LRRK1: variants seen among roughly 807,000 people sequenced by gnomAD.
LRRK1 encodes the protein leucine-rich repeat serine/threonine-protein kinase 1.
A neutral mutation model predicts 209.1 loss-of-function variants in LRRK1; 113 were observed. The ratio of observed to expected loss-of-function variants is 0.54; its 90% CI spans 0.46 to 0.63. LRRK1 has a LOEUF of 0.63. Among genes scored for constraint, LRRK1 ranks in the 30% least tolerant of loss-of-function variants. The pLI, the probability that LRRK1 is intolerant of heterozygous loss-of-function variation, is 0.00. For missense variants in LRRK1, 2,284 were observed against 2,632.2 expected (o/e 0.87, Z 2.89); for synonymous variants, 1,144 against 1,099.7 (o/e 1.04, Z -0.80).
intron 2 of LRRK1, among the ~76,000 whole-genome samples, chr15:100,973,303 G>A (rs2031056433): frequency 6.6e-6 from 1 of 152,250 alleles, no homozygotes; most frequent in Non-Finnish European, 1.5e-5. Flanking sequence ...TCGTGCCAGG[G>A]CAGGTCTGGA....
Position 101,051,617 on chromosome 15 carries a change from C to T in LRRK1, c.3440-94C>T, listed in dbSNP as rs927963402. 3.7e-5 allele frequency: 55 copies of T among 1,492,534 alleles called. No homozygotes were observed. In the Middle Eastern group the frequency reaches 1.7e-3, roughly 46 times the overall value. The allele number at this position is 1,492,534 out of a possible 1,614,324, so 92.5% of individuals were successfully genotyped here. A position where few individuals can be genotyped will look rare whatever the true frequency, so the allele number is the denominator to read the frequency against. On this transcript the variant is annotated intron_variant, in intron 23 of 33. Coordinates refer to ENST00000388948, the MANE Select transcript of LRRK1 (RefSeq NM_024652.6). ...GCCAGGACAGGCAGCTCCCCTGCTG[C>T]GAAGGCCTCAGGGCCTGGGGTGCAG...
chr15:100,982,247 C>G (rs2031643974), intron 3 of LRRK1, among the ~76,000 whole-genome samples: 1 of 152,240 alleles, frequency 6.6e-6, no homozygotes, highest in Non-Finnish European at 1.5e-5. Context: ...GGATCCCCAT[C>G]TACCTGCTTG....
Position 101,065,572 on chromosome 15 carries a change from G to T in LRRK1, c.5135G>T (p.Gly1712Val). The change falls in exon 32 of 34, where the codon GGC becomes GTC. Residue 1712 changes from glycine (G) to valine (V), a missense_variant. Physicochemically the swap from Gly to Val is moderately radical, Grantham distance 109 (BLOSUM62 -3). Coordinates refer to ENST00000388948, the MANE Select transcript of LRRK1 (RefSeq NM_024652.6). ...GSEVWYSNGP[G>V]LLVIDCASLE... ...GAGGTCTGGTACAGCAATGGGCCGG[G>T]CCTCCTTGTCATCGACTGTGCCTCC... 6.2e-7 allele frequency: 1 copy of T among 1,614,236 alleles called. No individual in the cohort carries two copies. Among genetic ancestry groups the T allele is most frequent in the Non-Finnish European group, 8.5e-7 (1 of 1,180,044 alleles).
chr15:101,004,901 T>G (rs2032870077), intron 6 of LRRK1, among the ~76,000 whole-genome samples: 1 of 152,200 alleles, frequency 6.6e-6, no homozygotes, highest in Non-Finnish European at 1.5e-5. Context: ...CTTGCTGTTG[T>G]TTTGTTTATT....
rs1472104721 is a variant in LRRK1, at chr15:101,072,199, A to G, written c.*3351A>G. The stretch of plus-strand genomic sequence containing the variant: ...ACTTATCTACCAAAATTTCAAATGC[A>G]CATACCCTCTGACCCAGCAGTTCCA... On this transcript the variant is annotated 3_prime_UTR_variant, in exon 34 of 34. Transcript: ENST00000388948. 6.6e-6 allele frequency: 1 copy of G among 152,220 alleles called. No individual in the cohort carries two copies. Among genetic ancestry groups the G allele is most frequent in the Non-Finnish European group, 1.5e-5 (1 of 68,028 alleles). 9.4% of individuals were successfully genotyped at this position (152,220 alleles called of 1,614,324 possible).
At chr15:100,988,914 A>T in intron 5 of LRRK1, 101 bp downstream of exon 5, 1 of 965,444 alleles carries the variant, frequency 1.0e-6, no homozygotes, top group Non-Finnish European at 1.5e-6. Context: ...CTCTCAAATC[A>T]CCTCTGTGAG....
At chr15:101,060,246 G>A (rs1450380713) in intron 29 of LRRK1, among the ~76,000 whole-genome samples, 3 of 152,160 alleles carry the variant, frequency 2.0e-5, no homozygotes, top group Admixed American at 6.5e-5. Context: ...CAGGGCAGAC[G>A]AGCAGGTAAA....
intron 2 of LRRK1, among the ~76,000 whole-genome samples, chr15:100,937,677 G>A (rs1596166999): frequency 6.6e-6 from 1 of 151,908 alleles, no homozygotes; most frequent in African/African-American, 2.4e-5. Context: ...TGGGACTACA[G>A]GCGCCCGCCA....
In LRRK1 at chr15:101,074,331, G is replaced by C. The variant is rs183088447; in HGVS notation, c.*5483G>C. 4 of 151,918 alleles carry C rather than the reference G, an allele frequency of 2.6e-5. No individual in the cohort carries two copies. Among genetic ancestry groups the C allele is most frequent in the East Asian group, 3.9e-4 (2 of 5,180 alleles). The allele number at this position is 151,918 out of a possible 1,614,324, so 9.4% of individuals were successfully genotyped here. A position where few individuals can be genotyped will look rare whatever the true frequency, so the allele number is the denominator to read the frequency against. ...CCGGTCCGGCTTACAGTTTCCTTCC[G>C]TGACTAGCCCTCCCCTACCTGCCCA... On this transcript the variant is annotated 3_prime_UTR_variant, in exon 34 of 34. Transcript: ENST00000388948.
chr15:100,976,127 CAGAA>C (rs1388508176), intron 3 of LRRK1, among the ~76,000 whole-genome samples: 3 of 152,058 alleles, frequency 2.0e-5, no homozygotes, highest in South Asian at 2.1e-4. Context: ...TAAAAAGAAA[CAGAA>C]AGCATGAATA....
chr15:100,926,680 C>CT (rs71151990), intron 2 of LRRK1, among the ~76,000 whole-genome samples: 2,589 of 81,822 alleles, frequency 0.032, 144 homozygotes, highest in Non-Finnish European at 0.04. Flanking sequence ...TTCTTTTTTT[C>CT]TTTTTTTTTT....
chr15:101,069,901 C>T lies in LRRK1; in HGVS notation c.*1053C>T, dbSNP rs1280538026. On this transcript the variant is annotated 3_prime_UTR_variant, in exon 34 of 34. Transcript: ENST00000388948. The stretch of plus-strand genomic sequence containing the variant: ...CATTACACACATGCACACACATATG[C>T]ACACACATGTGCAAACATAGCCACT... 6.6e-6 allele frequency: 1 copy of T among 152,256 alleles called. No homozygotes were observed. The highest frequency in any genetic ancestry group is 1.5e-5 in the Non-Finnish European group (1 of 68,042). The allele number at this position is 152,256 out of a possible 1,614,324, so 9.4% of individuals were successfully genotyped here.
chr15:101,074,334 A>G lies in LRRK1; in HGVS notation c.*5486A>G, dbSNP rs556219815. 1 of 152,064 alleles carries G rather than the reference A, an allele frequency of 6.6e-6. No homozygotes were observed. Among genetic ancestry groups the G allele is most frequent in the African/African-American group, 2.4e-5 (1 of 41,360 alleles). 9.4% of individuals were successfully genotyped at this position (152,064 alleles called of 1,614,324 possible). On this transcript the variant is annotated 3_prime_UTR_variant, in exon 34 of 34. Coordinates refer to ENST00000388948, the MANE Select transcript of LRRK1 (RefSeq NM_024652.6). ...GTCCGGCTTACAGTTTCCTTCCGTG[A>G]CTAGCCCTCCCCTACCTGCCCAGCA...
At chr15:100,984,692 A>G (rs2031778935) in intron 4 of LRRK1, among the ~76,000 whole-genome samples, 1 of 151,980 alleles carries the variant, frequency 6.6e-6, no homozygotes, top group South Asian at 2.1e-4. Flanking sequence ...ATAATATTCC[A>G]TTGTATTGGT....
At chr15:101,018,124 G>A (rs2033623491) in intron 12 of LRRK1, among the ~76,000 whole-genome samples, 1 of 147,522 alleles carries the variant, frequency 6.8e-6, no homozygotes, top group Non-Finnish European at 1.5e-5. Flanking sequence ...ACAAATTGTT[G>A]CAACACAAAT....
intron 27 of LRRK1, 105 bp downstream of exon 27, chr15:101,055,328 C>T: frequency 8.9e-7 from 1 of 1,125,804 alleles, no homozygotes; most frequent in Non-Finnish European, 1.2e-6. Flanking sequence ...TCAGCATCCC[C>T]AAAAGCACAT....
At chr15:100,941,032 C>T (rs2042390692) in intron 2 of LRRK1, among the ~76,000 whole-genome samples, 1 of 152,232 alleles carries the variant, frequency 6.6e-6, no homozygotes. Context: ...TATGACACAG[C>T]TTCTCCCCTA....
intron 2 of LRRK1, among the ~76,000 whole-genome samples, chr15:100,950,213 T>C (rs2042618660): frequency 1.5e-5 from 2 of 132,482 alleles, no homozygotes; most frequent in African/African-American, 6.0e-5. Flanking sequence ...CTTAACAATC[T>C]GAAAATTTAA....
At position 101,022,583 on chromosome 15, in the gene LRRK1, G is replaced by T; in HGVS notation, c.2053G>T (p.Gly685Cys). ...CAAGTGGGAGCTCCAGAGGCCGGCT[G>T]GCTCGAGAGCCAAGGTCAAGGATGG... ...TTKWELQRPA[G>C]SRAKVESVEF... Residue 685 changes from glycine to cysteine, a missense_variant, in exon 15 of 34, where the codon GGC (glycine) becomes TGC (cysteine). Gly to Cys is a radical substitution (Grantham distance 159, BLOSUM62 -3). Around this residue, in one of 6 missense-constraint regions of LRRK1, gnomAD observed 780 missense variants for 985.2 expected, o/e 0.79. Transcript: ENST00000388948. The surrounding 1 kb of genome is among the most constrained non-coding windows in gnomAD (Gnocchi z 4.0). 6.2e-7 allele frequency: 1 copy of T among 1,611,244 alleles called. No homozygotes were observed. The highest frequency in any genetic ancestry group is 8.5e-7 in the Non-Finnish European group (1 of 1,179,210).
Sources: allele counts gnomAD v4.1 joint callset (sites outside exome capture counted in the v4.1 genomes callset), GRCh38; gene constraint gnomAD v4.1.1; regional missense constraint gnomAD v4.1.1; non-coding constraint Gnocchi (gnomAD v3.1); transcripts MANE v1.5; gene names NCBI Gene and HGNC (gene_info 2026-07-23, HGNC 2026-07-21).